Variants in ETAA1 observed in about 807,000 individuals in gnomAD.
ETAA1 encodes the protein ETAA1 activator of ATR kinase.
A neutral mutation model predicts 76.8 loss-of-function variants in ETAA1; 49 were observed. That is an observed-to-expected ratio of 0.64 (90% CI 0.51 to 0.81). The LOEUF (loss-of-function observed/expected upper bound fraction) is 0.81, where lower values mean the gene tolerates loss of function less well. ETAA1 is among the 30% of genes least tolerant of loss of function. The pLI is 0.00. For synonymous variants in ETAA1, 373 were observed against 372.2 expected (o/e 1.00, Z -0.03); for missense variants, 1,099 against 1,074.0 (o/e 1.02, Z -0.32).
At chr2:67,409,181 G>A (rs939863424) in intron 5 of ETAA1, among the ~76,000 whole-genome samples, 1 of 151,936 alleles carries the variant, frequency 6.6e-6, no homozygotes, top group African/African-American at 2.4e-5. Flanking sequence ...CAGAATAAAT[G>A]ATATACTTAA....
rs774092806 is a variant in ETAA1 at position 67,399,555 on chromosome 2, G to C, written c.358G>C (p.Gly120Arg). 1.3e-6 allele frequency: 2 copies of C among 1,597,864 alleles called. No individual in the cohort carries two copies. The highest frequency in any genetic ancestry group is 1.7e-6 in the Non-Finnish European group (2 of 1,170,402). ...AAATGTCTTTGTTTCTTTAGGTAAA[G>C]GAAGAAAAAAACAGATTTACACCAC... ...NSPLTKQLGK[G>R]RKKQIYTTDS... Residue 120 changes from glycine (G) to arginine (R), a missense_variant, in exon 3 of 6, where the codon GGA (glycine) becomes CGA (arginine). Gly to Arg is a moderately radical substitution (Grantham distance 125). Transcript: ENST00000272342.
At chr2:67,401,772 A>C (rs1676063453) in intron 3 of ETAA1, 1 of 151,938 alleles carries the variant, frequency 6.6e-6, no homozygotes, top group Admixed American at 6.6e-5. Flanking sequence ...TTGAAATAAA[A>C]GGGAAAATAT....
At chr2:67,407,818 T>C (rs1676260215) in intron 5 of ETAA1, among the ~76,000 whole-genome samples, 1 of 152,136 alleles carries the variant, frequency 6.6e-6, no homozygotes, top group Admixed American at 6.5e-5. Context: ...CTCATGATCT[T>C]CATGTCTAGT....
chr2:67,403,443 C>T lies in ETAA1; in HGVS notation c.761C>T (p.Pro254Leu), dbSNP rs1312966540. 2 of 1,612,496 alleles carry T rather than the reference C, an allele frequency of 1.2e-6. No homozygotes were observed. The highest frequency in any genetic ancestry group is 8.5e-7 in the Non-Finnish European group (1 of 1,179,020). Residue 254 changes from proline to leucine, a missense_variant, in exon 5 of 6, where the codon CCA becomes CTA. By Grantham distance (98) the Pro-to-Leu change is moderately conservative. Transcript: ENST00000272342. Reference protein sequence around the residue: ...VPEIDNATKKPIKGNTKISVA... With the variant: ...VPEIDNATKKLIKGNTKISVA... ...GAAATAGATAATGCTACAAAAAAGC[C>T]AATCAAAGGAAACACCAAGATATCT...
At chr2:67,409,751 C>G (rs1211815128) in intron 5 of ETAA1, among the ~76,000 whole-genome samples, 160 bp from the exon 6 acceptor site, 1 of 151,804 alleles carries the variant, frequency 6.6e-6, no homozygotes, top group Non-Finnish European at 1.5e-5. Context: ...AGCATTATAT[C>G]TGTATTATGT....
rs759776489 is a variant in ETAA1, at chr2:67,410,046, T to C, written c.*8T>C. 1.0e-5 allele frequency: 16 copies of C among 1,598,966 alleles called. No individual in the cohort carries two copies. The South Asian group carries it at 1.7e-4, about 17-fold the overall frequency. ...CCCACTTCATTTCTTTAATGAAATATTAGTTGGAAGACTTCACGAAGACTG... is the reference window on the plus strand; with the variant it reads ...CCCACTTCATTTCTTTAATGAAATACTAGTTGGAAGACTTCACGAAGACTG... On this transcript the variant is annotated 3_prime_UTR_variant, in exon 6 of 6. Transcript: ENST00000272342.
intron 1 of ETAA1, 60 bp downstream of exon 1, chr2:67,397,731 T>A: frequency 6.7e-7 from 1 of 1,488,538 alleles, no homozygotes. Flanking sequence ...CATCCCAGCT[T>A]GCAACAGGGA....
rs1325865901 is a variant in ETAA1 at position 67,404,182 on chromosome 2, A to G, written c.1500A>G (p.Thr500=). 4 of 1,608,840 alleles carry G rather than the reference A, an allele frequency of 2.5e-6. No homozygotes were observed. The highest frequency in any genetic ancestry group is 2.7e-5 in the African/African-American group (2 of 74,608). ...ACGAAATTCAAAATTGTATAGTTAC[A>G]TCTAATCTGACAAAAATAAAGGAAG... The part of the protein sequence containing the change: ...IQDEIQNCIV[T]SNLTKIKEDI... The change falls in exon 5 of 6, where the codon ACA becomes ACG. Residue 500 remains threonine, a synonymous_variant. Coordinates refer to ENST00000272342, the MANE Select transcript of ETAA1 (RefSeq NM_019002.4).
intron 1 of ETAA1, 150 bp from the exon 2 acceptor site, chr2:67,399,019 C>T: frequency 1.5e-6 from 1 of 670,494 alleles, no homozygotes; most frequent in East Asian, 2.8e-5. Context: ...GTGAAACAAG[C>T]ATTTCTGTTA....
intron 3 of ETAA1, among the ~76,000 whole-genome samples, chr2:67,399,852 T>G (rs551178314): frequency 6.6e-6 from 1 of 152,176 alleles, no homozygotes; most frequent in Non-Finnish European, 1.5e-5. Flanking sequence ...CTTGTTTTAA[T>G]TTTTTAGAGT....
intron 3 of ETAA1, chr2:67,402,527 A>G (rs1676083600): frequency 6.5e-6 from 1 of 154,480 alleles, no homozygotes; most frequent in Admixed American, 6.5e-5. Flanking sequence ...AGGACAATTA[A>G]AATGTCAATT....
intron 1 of ETAA1, among the ~76,000 whole-genome samples, chr2:67,398,481 G>C (rs1448829471): frequency 6.6e-6 from 1 of 151,816 alleles, no homozygotes; most frequent in Non-Finnish European, 1.5e-5. Context: ...GACTACAGGC[G>C]TGTGCCACCT....
chr2:67,402,846 T>A lies in ETAA1; in HGVS notation c.430-16T>A, dbSNP rs370615336. ...CACTGGTACTTTATACCTCTTTTTT[T>A]CCCTATCTGCCAAAGGATGAAAAAC... On this transcript the variant is annotated splice_polypyrimidine_tract_variant and intron_variant, in intron 3 of 5. Coordinates refer to ENST00000272342, the MANE Select transcript of ETAA1 (RefSeq NM_019002.4). 7.0e-6 allele frequency: 11 copies of A among 1,562,548 alleles called. No individual in the cohort carries two copies. The East Asian group carries it at 2.6e-4, about 37-fold the overall frequency.
At position 67,403,746 on chromosome 2, in the gene ETAA1, CAT is replaced by C; in HGVS notation, c.1065_1066del (p.Val357AspfsTer5). 6.2e-7 allele frequency: 1 copy of C among 1,613,394 alleles called. No individual in the cohort carries two copies. The highest frequency in any genetic ancestry group is 1.1e-5 in the South Asian group (1 of 91,044). Reference sequence around the variant, plus strand: ...GTAGATACACCCATAATGACAAAATCATGTGTGACTTCCTGTACTAAGGAGCC... The same window carrying C: ...GTAGATACACCCATAATGACAAAATCGTGTGACTTCCTGTACTAAGGAGCC... On this transcript the variant is annotated frameshift_variant, in exon 5 of 6. Transcript: ENST00000272342. LOFTEE classifies it high-confidence loss of function.
intron 4 of ETAA1, 82 bp from the exon 5 acceptor site, chr2:67,403,143 C>T: frequency 8.9e-7 from 1 of 1,129,162 alleles, no homozygotes; most frequent in Non-Finnish European, 1.2e-6. Context: ...AATCTTAGAG[C>T]TTTAACATCA....
intron 1 of ETAA1, among the ~76,000 whole-genome samples, chr2:67,398,391 A>T (rs373628130): frequency 2.7e-5 from 4 of 146,430 alleles, no homozygotes; most frequent in Non-Finnish European, 3.0e-5. Context: ...GCTGCAGTGC[A>T]GTAGCACAAT....
chr2:67,397,732 G>C, intron 1 of ETAA1, 61 bp downstream of exon 1: 1 of 1,486,536 alleles, frequency 6.7e-7, no homozygotes, highest in Non-Finnish European at 9.1e-7. Flanking sequence ...ATCCCAGCTT[G>C]CAACAGGGAA....
chr2:67,399,491 G>A, intron 2 of ETAA1, 59 bp from the exon 3 acceptor site: 1 of 1,391,324 alleles, frequency 7.2e-7, no homozygotes, highest in Non-Finnish European at 1.0e-6. Flanking sequence ...AGTGACAGCT[G>A]TTTTTTAAAA....
rs373034985 is a variant in ETAA1 at position 67,397,589 on chromosome 2, G to C, written c.141G>C (p.Gly47=). The C allele has an allele frequency of 7.3e-5, 113 of 1,554,500 alleles. No homozygotes were observed. Among genetic ancestry groups the C allele is most frequent in the Admixed American group, 9.7e-5 (5 of 51,732 alleles). The change falls in exon 1 of 6, where the codon GGG becomes GGC. Residue 47 remains glycine (G), a synonymous_variant. Coordinates refer to ENST00000272342, the MANE Select transcript of ETAA1 (RefSeq NM_019002.4). ...CGGCCCGCGGTTCGTGGCCCTGCGG[G>C]GCTAGAGAGGGGCCTCCCGGGCCAG... is the stretch of plus-strand genomic sequence containing the variant. ...LRSARGSWPC[G]AREGPPGPVR...
Sources: allele counts gnomAD v4.1 joint callset (sites outside exome capture counted in the v4.1 genomes callset), GRCh38; gene constraint gnomAD v4.1.1; transcripts MANE v1.5; gene names NCBI Gene and HGNC (gene_info 2026-07-23, HGNC 2026-07-21).